ANKRD28: variants seen among roughly 807,000 people sequenced by gnomAD.
The protein encoded by ANKRD28 is ankyrin repeat domain 28.
ANKRD28 carries 44 observed loss-of-function variants against 126.5 expected under a neutral mutation model. That is an observed-to-expected ratio of 0.35 (90% CI 0.27 to 0.45). The LOEUF is 0.45. ANKRD28 is among the 20% of genes least tolerant of loss of function. The pLI is 1.00. For synonymous variants in ANKRD28, 442 were observed against 468.5 expected (o/e 0.94, Z 0.73); for missense variants, 1,110 against 1,316.6 (o/e 0.84, Z 2.43).
chr3:15,813,486 T>C (rs910264304), intron 1 of ANKRD28, among the ~76,000 whole-genome samples: 1 of 152,230 alleles, frequency 6.6e-6, no homozygotes, highest in Non-Finnish European at 1.5e-5. Flanking sequence ...CTACTTGATA[T>C]CAAATGGTAT....
intron 21 of ANKRD28, among the ~76,000 whole-genome samples, chr3:15,682,626 T>G (rs2470542): frequency 0.46 from 70,702 of 152,054 alleles, 19,388 homozygotes; most frequent in Non-Finnish European, 0.6. Context: ...CTACAGCCAG[T>G]GTTTTTCTAA....
chr3:15,772,340 A>G (rs756185057), intron 2 of ANKRD28, among the ~76,000 whole-genome samples: 2 of 152,188 alleles, frequency 1.3e-5, no homozygotes, highest in African/African-American at 2.4e-5. Context: ...CATAACTAAG[A>G]GGGGATTATC....
In ANKRD28 at chr3:15,670,407, T is replaced by G; in HGVS notation, c.3115A>C (p.Thr1039Pro). 6.2e-7 allele frequency: 1 copy of G among 1,613,748 alleles called. No individual in the cohort carries two copies. Among genetic ancestry groups the G allele is most frequent in the East Asian group, 2.2e-5 (1 of 44,892 alleles). Residue 1039 changes from threonine to proline, a missense_variant, in exon 28 of 28, where the codon ACA (threonine) becomes CCA (proline). Coordinates refer to ENST00000683139, the MANE Select transcript of ANKRD28 (RefSeq NM_001349278.2). ...ATGGGCAAAGCTTCAAAGCTGACTGTTTTTGAGGTGTTGGTATAACGGTTA... is the reference window on the plus strand; with the variant it reads ...ATGGGCAAAGCTTCAAAGCTGACTGGTTTTGAGGTGTTGGTATAACGGTTA... ...AINRYTNTSK[T>P]VSFEALPIMR...
intron 6 of ANKRD28, chr3:15,732,446 G>C (rs2074706246): frequency 6.6e-6 from 1 of 152,318 alleles, no homozygotes; most frequent in Non-Finnish European, 1.5e-5. Flanking sequence ...GAGCTGGTAA[G>C]ACCATGGTCA....
intron 21 of ANKRD28, chr3:15,684,905 C>T (rs1347735088): frequency 3.8e-6 from 1 of 259,950 alleles, no homozygotes; most frequent in East Asian, 1.1e-4. Context: ...GGGAGGATCA[C>T]TTGATGCCAG....
At chr3:15,764,439 A>G (rs548248643) in intron 3 of ANKRD28, among the ~76,000 whole-genome samples, 2 of 152,136 alleles carry the variant, frequency 1.3e-5, no homozygotes, top group Non-Finnish European at 2.9e-5. Context: ...ACCTTCTACA[A>G]GTAACTAAAA....
rs751942573 is a variant in ANKRD28 at position 15,690,332 on chromosome 3, G to A, written c.1762-112C>T. The A allele has an allele frequency of 7.2e-4, 641 of 885,186 alleles. 1 individual carries two copies. The highest frequency in any genetic ancestry group is 5.1e-3 in the Middle Eastern group (17 of 3,314). The allele number at this position is 885,186 out of a possible 1,614,324, so 54.8% of individuals were successfully genotyped here. Reference sequence around the variant, plus strand: ...GTCTTCATATTATTATCCTACTTGAGATAATCCAAACTTCTACATCGAGAA... The same window carrying A: ...GTCTTCATATTATTATCCTACTTGAAATAATCCAAACTTCTACATCGAGAA... On this transcript the variant is annotated intron_variant, in intron 17 of 27. Transcript: ENST00000683139.
rs1220594479 is a variant in ANKRD28 at position 15,766,219 on chromosome 3, C to G, written c.280+15G>C. On this transcript the variant is annotated intron_variant, in intron 3 of 27. Coordinates refer to ENST00000683139, the MANE Select transcript of ANKRD28 (RefSeq NM_001349278.2). The stretch of plus-strand genomic sequence containing the variant: ...ATATACATAATGTGTTCTTATTACT[C>G]AGAGGTTACCATACCAGATAAAATA... 1 of 1,598,302 alleles carries G rather than the reference C, an allele frequency of 6.3e-7. No individual in the cohort carries two copies. The highest frequency in any genetic ancestry group is 8.6e-7 in the Non-Finnish European group (1 of 1,168,706).
chr3:15,799,651 G>C (rs552671118), upstream of ANKRD28, among the ~76,000 whole-genome samples: 10 of 152,050 alleles, frequency 6.6e-5, no homozygotes, highest in East Asian at 1.9e-3. Flanking sequence ...GGGTTCCCAA[G>C]CCCACAAAGC....
intron 2 of ANKRD28, among the ~76,000 whole-genome samples, chr3:15,778,436 G>GT (rs2059395503): frequency 6.6e-6 from 1 of 152,068 alleles, no homozygotes; most frequent in Non-Finnish European, 1.5e-5. Context: ...AAAAAAATCT[G>GT]TTTTTTGGCT....
intron 5 of ANKRD28, among the ~76,000 whole-genome samples, chr3:15,736,742 A>G (rs1453728228): frequency 1.3e-5 from 2 of 152,242 alleles, no homozygotes; most frequent in African/African-American, 4.8e-5. Flanking sequence ...AAGAACAATA[A>G]CATATCTCTG....
chr3:15,852,175 ATTTAAG>A (rs1016441729), intron 1 of ANKRD28, among the ~76,000 whole-genome samples: 1 of 152,244 alleles, frequency 6.6e-6, no homozygotes, highest in African/African-American at 2.4e-5. Context: ...TAATTGTACA[ATTTAAG>A]TTTGTGTGTG....
intron 8 of ANKRD28, among the ~76,000 whole-genome samples, chr3:15,715,597 G>GC (rs1399150634): frequency 2.0e-5 from 3 of 152,092 alleles, no homozygotes; most frequent in Non-Finnish European, 1.5e-5. Flanking sequence ...GAGGAGAGAG[G>GC]ATGCATGCAT....
chr3:15,737,732 T>C (rs1248489175), intron 4 of ANKRD28, among the ~76,000 whole-genome samples: 2 of 152,002 alleles, frequency 1.3e-5, no homozygotes, highest in East Asian at 3.9e-4. Context: ...TCCTGAAGTG[T>C]TGGGGTTACA....
In ANKRD28 at chr3:15,677,043, C is replaced by G; in HGVS notation, c.2804G>C (p.Ser935Thr). 1 of 1,613,078 alleles carries G rather than the reference C, an allele frequency of 6.2e-7. No homozygotes were observed. The highest frequency in any genetic ancestry group is 8.5e-7 in the Non-Finnish European group (1 of 1,179,456). The part of the protein sequence containing the change: ...HLACSKGHET[S>T]ALLILEKITD... ...TATCTTTTCCAGTATTAACAAGGCA[C>G]TAGTTTCATGACCCTATAATTGTGG... The change falls in exon 26 of 28, where the codon AGT (serine) becomes ACT (threonine). Residue 935 changes from serine (S) to threonine (T), a missense_variant. By Grantham distance (58) the Ser-to-Thr change is moderately conservative (BLOSUM62 1). Transcript: ENST00000683139.
At chr3:15,775,447 C>T (rs1335436579) in intron 2 of ANKRD28, among the ~76,000 whole-genome samples, 1 of 152,132 alleles carries the variant, frequency 6.6e-6, no homozygotes, top group Non-Finnish European at 1.5e-5. Flanking sequence ...CACTATCTAC[C>T]TGAAGATAGC....
rs2067000760 is a variant in ANKRD28, at chr3:15,676,962, G to A, written c.2873+12C>T. ...GGTCACAAAGTTTATACTAGATACT[G>A]ACAGTACTCACGTTTGCAAGGCTGC... is the stretch of plus-strand genomic sequence containing the variant. On this transcript the variant is annotated intron_variant, in intron 26 of 27. Transcript: ENST00000683139. 7 of 1,604,544 alleles carry A rather than the reference G, an allele frequency of 4.4e-6. No individual in the cohort carries two copies. In the East Asian group the frequency reaches 1.1e-4, roughly 26 times the overall value.
intron 26 of ANKRD28, 77 bp from the exon 27 acceptor site, chr3:15,676,066 A>G: frequency 8.0e-7 from 1 of 1,248,174 alleles, no homozygotes; most frequent in South Asian, 1.5e-5. Flanking sequence ...GCTGTCAAAG[A>G]GCATTTTTGT....
intron 3 of ANKRD28, among the ~76,000 whole-genome samples, chr3:15,755,263 A>G (rs538702904): frequency 6.6e-6 from 1 of 152,256 alleles, no homozygotes; most frequent in Admixed American, 6.5e-5. Context: ...GGCAACAATG[A>G]AACAATATTC....
Sources: gnomAD v4.1 joint callset for allele counts (sites outside exome capture counted in the v4.1 genomes callset) on GRCh38, gnomAD v4.1.1 for gene constraint, MANE v1.5 for transcripts, NCBI Gene and HGNC (gene_info 2026-07-23, HGNC 2026-07-21) for gene names.